Variants in DRC8 observed in about 807,000 individuals in gnomAD.
The protein encoded by DRC8 is dynein regulatory complex protein 8.
chr1:245,018,415 C>T, the DRC8 span, among the ~76,000 whole-genome samples: 1 of 152,054 alleles, frequency 6.6e-6, no homozygotes, highest in Non-Finnish European at 1.5e-5. Context: ...GCCATCAGAG[C>T]TGCAGCACCA....
At chr1:245,090,789 G>A in the DRC8 span, among the ~76,000 whole-genome samples, 9 of 151,744 alleles carry the variant, frequency 5.9e-5, no homozygotes, top group South Asian at 2.1e-4. Flanking sequence ...TGCTTTGCCC[G>A]TGGTAGTTCC....
the DRC8 span, among the ~76,000 whole-genome samples, chr1:245,106,416 A>G: frequency 6.6e-6 from 1 of 152,132 alleles, no homozygotes; most frequent in Non-Finnish European, 1.5e-5. Context: ...ATAACAGTAC[A>G]CCATGAATTC....
At chr1:245,022,979 A>G in the DRC8 span, 1 of 152,228 alleles carries the variant, frequency 6.6e-6, no homozygotes, top group African/African-American at 2.4e-5. Flanking sequence ...TAGGTGCCTC[A>G]TATATCAATG....
At chr1:244,986,226 A>G in the DRC8 span, among the ~76,000 whole-genome samples, 1 of 152,128 alleles carries the variant, frequency 6.6e-6, no homozygotes, top group Non-Finnish European at 1.5e-5. Flanking sequence ...AAGTGCTGGG[A>G]TTACAGGCAT....
chr1:244,970,710 C>CT, the DRC8 span: 1 of 492,734 alleles, frequency 2.0e-6, no homozygotes, highest in Non-Finnish European at 3.5e-6. Flanking sequence ...CCTCTTCTCT[C>CT]TCCCCTCCTC....
chr1:244,979,657 G>A, the DRC8 span, among the ~76,000 whole-genome samples: 677 of 151,782 alleles, frequency 4.5e-3, 4 homozygotes, highest in Admixed American at 7.8e-3. Flanking sequence ...GGCCAGGCTG[G>A]TCTGGAACTC....
At chr1:245,107,001 G>T in the DRC8 span, among the ~76,000 whole-genome samples, 1 of 152,146 alleles carries the variant, frequency 6.6e-6, no homozygotes, top group Admixed American at 6.5e-5. Context: ...CCAAGATTGC[G>T]CCATTGCACT....
chr1:244,970,477 G>A, the DRC8 span: 2 of 1,522,888 alleles, frequency 1.3e-6, no homozygotes, highest in African/African-American at 1.4e-5. Context: ...CGCTGCCCTC[G>A]CCGCCCGCCG....
the DRC8 span, among the ~76,000 whole-genome samples, chr1:245,104,594 C>T: frequency 5.3e-5 from 8 of 152,126 alleles, no homozygotes; most frequent in African/African-American, 1.9e-4. Context: ...GCCAATCTTG[C>T]TTCACCTATT....
chr1:244,973,354 C>G, the DRC8 span, among the ~76,000 whole-genome samples: 1 of 152,156 alleles, frequency 6.6e-6, no homozygotes, highest in South Asian at 2.1e-4. Flanking sequence ...GTTCAGTACC[C>G]TCTAAGTTCC....
At chr1:244,993,096 A>G in the DRC8 span, among the ~76,000 whole-genome samples, 1 of 152,258 alleles carries the variant, frequency 6.6e-6, no homozygotes, top group Non-Finnish European at 1.5e-5. Flanking sequence ...GAAAGAGATG[A>G]CACAGAAGCC....
the DRC8 span, chr1:245,002,010 T>A: frequency 1.3e-6 from 1 of 778,628 alleles, no homozygotes; most frequent in South Asian, 1.7e-5. Context: ...TTTCTCAGAT[T>A]TTGCTTTGAA....
At chr1:245,026,144 C>G in the DRC8 span, among the ~76,000 whole-genome samples, 2 of 152,202 alleles carry the variant, frequency 1.3e-5, no homozygotes, top group African/African-American at 4.8e-5. Context: ...CTTGCTAATA[C>G]AGTGAGTCTC....
At chr1:244,978,209 C>T in the DRC8 span, among the ~76,000 whole-genome samples, 2 of 152,006 alleles carry the variant, frequency 1.3e-5, no homozygotes, top group South Asian at 4.1e-4. Context: ...GAGATGAGAT[C>T]TAGGCCGGGC....
At chr1:244,997,525 C>CTTT in the DRC8 span, among the ~76,000 whole-genome samples, 9 of 126,740 alleles carry the variant, frequency 7.1e-5, no homozygotes, top group African/African-American at 2.1e-4. Context: ...TTCGTGCCAT[C>CTTT]TTTTTTTTTT....
chr1:244,996,236 G>A, the DRC8 span, among the ~76,000 whole-genome samples: 1 of 152,034 alleles, frequency 6.6e-6, no homozygotes, highest in Non-Finnish European at 1.5e-5. Flanking sequence ...CTGCTTGAGT[G>A]GGGTTACCCA....
chr1:245,063,790 C>T, the DRC8 span, among the ~76,000 whole-genome samples: 50,649 of 151,996 alleles, frequency 0.33, 8,905 homozygotes, highest in Middle Eastern at 0.41. Flanking sequence ...GGCACAATCT[C>T]GGCTCACTGC....
chr1:245,100,813 AT>A, the DRC8 span, among the ~76,000 whole-genome samples: 74,535 of 149,794 alleles, frequency 0.5, 19,853 homozygotes, highest in East Asian at 0.67. Flanking sequence ...AATAATAATA[AT>A]AAATACTTCA....
the DRC8 span, among the ~76,000 whole-genome samples, chr1:244,982,131 A>C: frequency 6.6e-6 from 1 of 152,166 alleles, no homozygotes; most frequent in African/African-American, 2.4e-5. Flanking sequence ...CTGAAGAGGA[A>C]TCTGGCACCT....
Sources: gnomAD v4.1 joint callset for allele counts (sites outside exome capture counted in the v4.1 genomes callset) on GRCh38, gnomAD v4.1.1 for gene constraint, MANE v1.5 for transcripts, NCBI Gene and HGNC (gene_info 2026-07-23, HGNC 2026-07-21) for gene names.